The following RARB variants were observed in gnomAD, a reference collection of about 807,000 sequenced individuals.
RARB encodes the protein HBV-activated protein.
In RARB, 17 loss-of-function variants were observed where a neutral mutation model predicts 51.9. The observed-to-expected ratio is 0.33, with a 90% CI of 0.22 to 0.49. The LOEUF is 0.49. Ranked by LOEUF, RARB falls within the 20% of genes least tolerant of loss-of-function variation. The pLI is 0.99. For missense variants in RARB, 369 were observed against 550.8 expected (o/e 0.67, Z 3.30); for synonymous variants, 215 against 195.4 (o/e 1.10, Z -0.84).
intron 5 of RARB, among the ~76,000 whole-genome samples, chr3:25,248,549 T>C (rs1034593784): frequency 6.6e-6 from 1 of 152,202 alleles, no homozygotes; most frequent in Non-Finnish European, 1.5e-5. Flanking sequence ...TTTTATACTT[T>C]TGTGAGTTTT....
At chr3:24,992,585 G>A (rs2125435727) in intron 2 of RARB, among the ~76,000 whole-genome samples, 1 of 152,300 alleles carries the variant, frequency 6.6e-6, no homozygotes, top group East Asian at 1.9e-4. Flanking sequence ...GGCTTAAATG[G>A]CAGAAAAGTG....
At chr3:25,084,205 G>A (rs1328708762) in intron 3 of RARB, among the ~76,000 whole-genome samples, 1 of 152,118 alleles carries the variant, frequency 6.6e-6, no homozygotes, top group East Asian at 1.9e-4. Flanking sequence ...CAGGGAATCT[G>A]CTGCTTCCTG....
intron 5 of RARB, among the ~76,000 whole-genome samples, chr3:25,332,025 A>T (rs1165062669): frequency 6.6e-6 from 1 of 152,216 alleles, no homozygotes; most frequent in Admixed American, 6.5e-5. Flanking sequence ...AAATTGAGGC[A>T]ATAATTAATA....
intron 5 of RARB, among the ~76,000 whole-genome samples, chr3:25,393,201 CTA>C (rs1233816357): frequency 6.6e-6 from 1 of 151,746 alleles, no homozygotes; most frequent in African/African-American, 2.4e-5. Context: ...TTATTGACTT[CTA>C]TATGTTAAGC....
At chr3:25,233,760 G>C (rs1702238390) in intron 5 of RARB, among the ~76,000 whole-genome samples, 1 of 148,202 alleles carries the variant, frequency 6.7e-6, no homozygotes, top group African/African-American at 2.5e-5. Flanking sequence ...TTTTTGTTTG[G>C]TTGTTGTTTT....
rs902449620 is a variant in RARB at position 25,314,845 on chromosome 3, C to G, written c.178+140270C>G. Among the ~76,000 whole-genome samples, 57 of 152,036 alleles carry G rather than the reference C, an allele frequency of 3.7e-4. 1 individual carries two copies. The highest frequency in any genetic ancestry group is 7.9e-4 in the Non-Finnish European group (54 of 68,018). ...TAATTTTTCAGTCCTTACCTGCCTG[C>G]CTCCTCCCCTCTCTTGTAGTCCACA... On this transcript the variant is annotated intron_variant, in intron 5 of 11. Transcript: ENST00000383772.
intron 5 of RARB, 87 bp downstream of exon 5, chr3:25,580,809 A>G (rs1262216177): frequency 3.6e-6 from 5 of 1,386,630 alleles, no homozygotes; most frequent in Non-Finnish European, 4.9e-6. Flanking sequence ...GACATTGAAG[A>G]TCTCCAGAGG....
intron 1 of RARB, among the ~76,000 whole-genome samples, chr3:25,441,743 T>A (rs1365497032): frequency 1.3e-5 from 2 of 152,206 alleles, no homozygotes; most frequent in African/African-American, 4.8e-5. Context: ...CAGGTTTCTT[T>A]TCTGTGTTCT....
chr3:24,902,508 G>A (rs1275076351), intron 2 of RARB, among the ~76,000 whole-genome samples: 3 of 152,004 alleles, frequency 2.0e-5, no homozygotes, highest in African/African-American at 7.2e-5. Flanking sequence ...ATGTTCTGTT[G>A]GGGACAACGT....
At chr3:25,164,290 G>C (rs886170339) in intron 4 of RARB, among the ~76,000 whole-genome samples, 4 of 152,202 alleles carry the variant, frequency 2.6e-5, no homozygotes, top group African/African-American at 9.6e-5. Flanking sequence ...ATATTGAGCA[G>C]CAAGACTATT....
chr3:24,964,182 A>G lies in RARB; in HGVS notation c.-379-95943A>G, dbSNP rs114088193. On this transcript the variant is annotated intron_variant, in intron 2 of 11. Coordinates refer to the RARB transcript ENST00000383772. ...AGGTATAACCAGATCTTTTTTGTGT[A>G]TAAAAAGTAAGGTTAGCACTGTGGA... is the stretch of plus-strand genomic sequence containing the variant. Among the ~76,000 whole-genome samples the G allele has an allele frequency of 6.3e-3, 955 of 151,724 alleles. 9 individuals are homozygous for G. Among genetic ancestry groups the G allele is most frequent in the African/African-American group, 0.022 (907 of 41,380 alleles).
At chr3:25,252,662 T>G (rs1005014378) in intron 5 of RARB, among the ~76,000 whole-genome samples, 10 of 152,250 alleles carry the variant, frequency 6.6e-5, no homozygotes, top group African/African-American at 2.4e-5. Flanking sequence ...TTTGCCAGTT[T>G]ATAGAACTAC....
intron 3 of RARB, among the ~76,000 whole-genome samples, chr3:25,113,992 C>G (rs1237044136): frequency 6.6e-6 from 1 of 152,088 alleles, no homozygotes; most frequent in Non-Finnish European, 1.5e-5. Flanking sequence ...GTGAATCAAC[C>G]CAAAAAGTTT....
Position 25,596,606 on chromosome 3 carries a change from T to G in RARB, c.1337T>G (p.Leu446Arg), listed in dbSNP as rs1348979709. The G allele has an allele frequency of 6.3e-7, 1 of 1,595,024 alleles. No homozygotes were observed. Among genetic ancestry groups the G allele is most frequent in the Non-Finnish European group, 8.6e-7 (1 of 1,165,452 alleles). Residue 446 changes from leucine (L) to arginine (R), a missense_variant, in exon 8 of 8, where the codon CTC becomes CGC. By Grantham distance (102) the Leu-to-Arg change is moderately radical. This residue lies in a region of RARB where 54 missense variants were observed against 43.4 expected (regional missense o/e 1.24). Transcript: ENST00000330688. Reference sequence around the variant, plus strand: ...AACAGTGGGGTCAGTCAGTCACCACTCGTGCAATAAGACATTTTCTAGCTA... The same window carrying G: ...AACAGTGGGGTCAGTCAGTCACCACGCGTGCAATAAGACATTTTCTAGCTA... ...VENSGVSQSP[L>R]VQ
chr3:25,408,512 C>A (rs1707474938), intron 5 of RARB, among the ~76,000 whole-genome samples: 1 of 152,050 alleles, frequency 6.6e-6, no homozygotes, highest in South Asian at 2.1e-4. Context: ...CCTACCAGGC[C>A]CCTCCTCTAA....
At position 25,504,786 on chromosome 3, in the gene RARB, T is replaced by G. The variant is rs1290986642; in HGVS notation, c.448+3463T>G. On this transcript the variant is annotated intron_variant, in intron 3 of 7. Coordinates refer to ENST00000330688, the MANE Select transcript of RARB (RefSeq NM_000965.5). ...CATTAACCACTTTTTTTTTTTTTTT[T>G]TTTTTGTGTCACCCAGGCTGGAGTG... Among the ~76,000 whole-genome samples, 1,447 of 146,668 alleles carry G rather than the reference T, an allele frequency of 9.9e-3. 11 individuals carry two copies. The highest frequency in any genetic ancestry group is 0.017 in the South Asian group (81 of 4,680).
intron 5 of RARB, among the ~76,000 whole-genome samples, chr3:25,325,690 G>T (rs983770352): frequency 6.6e-6 from 1 of 151,722 alleles, no homozygotes; most frequent in African/African-American, 2.4e-5. Context: ...GGAATGTTGT[G>T]GTGATGAGCC....
intron 1 of RARB, among the ~76,000 whole-genome samples, chr3:25,437,115 A>G (rs74471895): frequency 0.16 from 22,002 of 135,896 alleles, 2,037 homozygotes; most frequent in Non-Finnish European, 0.22. Context: ...GCTAAAAGCA[A>G]ACTTTTTTTT....
chr3:25,241,630 G>A (rs1404518502), intron 5 of RARB, among the ~76,000 whole-genome samples: 1 of 152,138 alleles, frequency 6.6e-6, no homozygotes, highest in Non-Finnish European at 1.5e-5. Context: ...GCATATCCCT[G>A]CAAAGGACAT....
Sources: gnomAD v4.1 joint callset for allele counts (sites outside exome capture counted in the v4.1 genomes callset) on GRCh38, gnomAD v4.1.1 for gene constraint, gnomAD v4.1.1 regional missense constraint, MANE v1.5 for transcripts, NCBI Gene and HGNC (gene_info 2026-07-23, HGNC 2026-07-21) for gene names.